Variants in ADCYAP1 observed in about 807,000 individuals in gnomAD.
ADCYAP1 encodes adenylate cyclase activating polypeptide 1.
In ADCYAP1, 6 loss-of-function variants were observed where a neutral mutation model predicts 18.5. The observed-to-expected ratio is 0.32, with a 90% CI of 0.18 to 0.64. ADCYAP1 has a LOEUF of 0.64. Ranked by LOEUF, ADCYAP1 falls within the 30% of genes least tolerant of loss-of-function variation. The pLI, the probability that ADCYAP1 is intolerant of heterozygous loss-of-function variation, is 0.77. For synonymous variants in ADCYAP1, 136 were observed against 113.9 expected (o/e 1.19, Z -1.24); for missense variants, 314 against 253.6 (o/e 1.24, Z -1.62).
In ADCYAP1 at chr18:909,560, A is replaced by G. The variant is rs2231187; in HGVS notation, c.456A>G (p.Lys152=). 481,737 of 1,613,706 alleles carry G rather than the reference A, an allele frequency of 0.3. 75,260 individuals carry two copies. Among genetic ancestry groups the G allele is most frequent in the Admixed American group, 0.33 (19,615 of 59,996 alleles). ...SRYRKQMAVK[K]YLAAVLGKRY... ...ACCGGAAACAAATGGCTGTCAAGAA[A>G]TACTTGGCGGCCGTCCTAGGGAAGA... The change falls in exon 5 of 5, where the codon AAA becomes AAG. Residue 152 remains lysine (K), a synonymous_variant. Coordinates refer to ENST00000450565, the MANE Select transcript of ADCYAP1 (RefSeq NM_001099733.2).
intron 3 of ADCYAP1, 195 bp from the exon 4 acceptor site, chr18:908,058 TGCCACTCCTAGA>T: frequency 1.5e-6 from 1 of 681,926 alleles, no homozygotes; most frequent in African/African-American, 1.8e-5. Flanking sequence ...ACTCCGCATC[TGCCACTCCTAGA>T]GCCGGGACTA....
chr18:909,456 G>C lies in ADCYAP1; in HGVS notation c.352G>C (p.Gly118Arg). 3 of 1,611,742 alleles carry C rather than the reference G, an allele frequency of 1.9e-6. No homozygotes were observed. The highest frequency in any genetic ancestry group is 2.2e-5 in the East Asian group (1 of 44,868). The change falls in exon 5 of 5, where the codon GGC (glycine) becomes CGC (arginine). Residue 118 changes from glycine to arginine, a missense_variant. Coordinates refer to ENST00000450565, the MANE Select transcript of ADCYAP1 (RefSeq NM_001099733.2). ...CCCCTTTGCTTGCAGTGGGAGCCTCGGCGGCGGCGCGGGGGACGACGCGGA... is the reference window on the plus strand; with the variant it reads ...CCCCTTTGCTTGCAGTGGGAGCCTCCGCGGCGGCGCGGGGGACGACGCGGA... ...LVARGVGGSL[G>R]GGAGDDAEPL...
At chr18:907,558 T>C in intron 2 of ADCYAP1, 101 bp from the exon 3 acceptor site, 1 of 1,261,680 alleles carries the variant, frequency 7.9e-7, no homozygotes, top group Non-Finnish European at 1.1e-6. Flanking sequence ...GGAGGACTTT[T>C]ATCACCTGTG....
chr18:907,519 C>G (rs1043448369), intron 2 of ADCYAP1, 140 bp from the exon 3 acceptor site: 2 of 911,438 alleles, frequency 2.2e-6, no homozygotes, highest in Non-Finnish European at 3.1e-6. Flanking sequence ...CTCCCACCCC[C>G]AGTCCTGGGA....
chr18:905,484 T>C lies in ADCYAP1; in HGVS notation c.98T>C (p.Phe33Ser), dbSNP rs747342728. 1 of 1,607,594 alleles carries C rather than the reference T, an allele frequency of 6.2e-7. No individual in the cohort carries two copies. The highest frequency in any genetic ancestry group is 8.5e-7 in the Non-Finnish European group (1 of 1,179,966). Reference protein sequence around the residue: ...YSSPAAAGLRFPGIRPEEEAY... With the variant: ...YSSPAAAGLRSPGIRPEEEAY... ...TCACCTGCCGCCGCCGGACTCCGGT[T>C]CCCCGGGATCAGGTAGGTGCTGGCT... Residue 33 changes from phenylalanine to serine, a missense_variant, in exon 2 of 5, where the codon TTC (phenylalanine) becomes TCC (serine). Phe to Ser is a radical substitution (Grantham distance 155). Transcript: ENST00000450565.
At chr18:906,061 C>A (rs1909158706) in intron 2 of ADCYAP1, 1 of 153,016 alleles carries the variant, frequency 6.5e-6, no homozygotes, top group Admixed American at 6.5e-5. Flanking sequence ...TCTTGGGGGG[C>A]GTGCGGTGGG....
In ADCYAP1 at chr18:907,796, A is replaced by AT. The variant is rs1909233521; in HGVS notation, c.242+8dup. On this transcript the variant is annotated splice_region_variant and intron_variant, in intron 3 of 4. Transcript: ENST00000450565. ...TACCGCCCGGCCGGGAGAAGGTGAGATTCGCGCGGCCTCGCGCACACCCGC... is the reference window on the plus strand; with the variant it reads ...TACCGCCCGGCCGGGAGAAGGTGAGATTTCGCGCGGCCTCGCGCACACCCGC... 1.4e-6 allele frequency: 2 copies of AT among 1,430,096 alleles called. No individual in the cohort carries two copies. The highest frequency in any genetic ancestry group is 3.2e-5 in the Admixed American group (1 of 31,514). The allele number at this position is 1,430,096 out of a possible 1,614,324, so 88.6% of individuals were successfully genotyped here.
intron 2 of ADCYAP1, chr18:905,932 A>C: frequency 5.6e-6 from 1 of 179,786 alleles, no homozygotes; most frequent in Non-Finnish European, 1.2e-5. Flanking sequence ...GTTCTGGACT[A>C]TCCGGGTGGG....
At chr18:907,574 C>G (rs1909217256) in intron 2 of ADCYAP1, 85 bp from the exon 3 acceptor site, 2 of 1,405,342 alleles carry the variant, frequency 1.4e-6, no homozygotes, top group Admixed American at 4.7e-5. Flanking sequence ...CTGTGAAAAT[C>G]CGCGCGAGCC....
intron 3 of ADCYAP1, 117 bp from the exon 4 acceptor site, chr18:908,148 G>T (rs551154197): frequency 3.1e-5 from 28 of 894,746 alleles, no homozygotes; most frequent in African/African-American, 2.5e-4. Context: ...GGCCTCTGGA[G>T]GTTTCCCTGT....
chr18:905,328 A>T lies in ADCYAP1; in HGVS notation c.-1-58A>T, dbSNP rs1909121098. ...GGCTTCCAGAGCTTTTTGGGGTTGG[A>T]GGGTGGGAGGCCAGGGGCGTTCTCA... On this transcript the variant is annotated intron_variant, in intron 1 of 4. Transcript: ENST00000450565. 6.9e-6 allele frequency: 11 copies of T among 1,585,282 alleles called. No homozygotes were observed. The South Asian group carries it at 1.0e-4, about 15-fold the overall frequency.
Position 910,147 on chromosome 18 carries a change from A to G in ADCYAP1, c.*512A>G, listed in dbSNP as rs940179127. Reference sequence around the variant, plus strand: ...CCCTGCTCCAGGGAGATTTTGAGGTAAAGATATGGAGAATTGCTGAAGGGC... The same window carrying G: ...CCCTGCTCCAGGGAGATTTTGAGGTGAAGATATGGAGAATTGCTGAAGGGC... On this transcript the variant is annotated 3_prime_UTR_variant, in exon 5 of 5. Coordinates refer to ENST00000450565, the MANE Select transcript of ADCYAP1 (RefSeq NM_001099733.2). The G allele has an allele frequency of 6.6e-6, 1 of 152,606 alleles. No individual in the cohort carries two copies. Among genetic ancestry groups the G allele is most frequent in the African/African-American group, 2.4e-5 (1 of 41,444 alleles). The allele number at this position is 152,606 out of a possible 1,614,324, so 9.5% of individuals were successfully genotyped here. A position where few individuals can be genotyped will look rare whatever the true frequency, so the allele number is the denominator to read the frequency against.
chr18:907,705 T>C lies in ADCYAP1; in HGVS notation c.157T>C (p.Phe53Leu), dbSNP rs777300983. 6 of 1,562,206 alleles carry C rather than the reference T, an allele frequency of 3.8e-6. No individual in the cohort carries two copies. The highest frequency in any genetic ancestry group is 3.7e-5 in the Admixed American group (2 of 54,408). The change falls in exon 3 of 5, where the codon TTC becomes CTC. Residue 53 changes from phenylalanine (F) to leucine (L), a missense_variant. Coordinates refer to ENST00000450565, the MANE Select transcript of ADCYAP1 (RefSeq NM_001099733.2). ...CGAGGACGGAAACCCGCTGCCAGAC[T>C]TCGATGGCTCGGAGCCGCCGGGCGC... is the stretch of plus-strand genomic sequence containing the variant. ...YGEDGNPLPD[F>L]DGSEPPGAGS... is the part of the protein sequence containing the mutation.
rs756839865 is a variant in ADCYAP1, at chr18:909,641, GGTTACCAGCTACCCT to G, written c.*9_*23del. On this transcript the variant is annotated 3_prime_UTR_variant, in exon 5 of 5. Transcript: ENST00000450565. ...GCCGAATAGCTTATTTGTAGCGATGGGTTACCAGCTACCCTGTGTATACAGCCCTGACGCAATGAA... is the reference window on the plus strand; with the variant it reads ...GCCGAATAGCTTATTTGTAGCGATGGGTGTATACAGCCCTGACGCAATGAA... 6.2e-7 allele frequency: 1 copy of G among 1,612,488 alleles called. No individual in the cohort carries two copies. The highest frequency in any genetic ancestry group is 1.1e-5 in the South Asian group (1 of 90,900).
At chr18:904,852 C>A, upstream of ADCYAP1, 2 of 1,285,766 alleles carry the variant, frequency 1.6e-6, no homozygotes, top group Non-Finnish European at 2.0e-6. Context: ...TGGTTCTGCG[C>A]GTCTACAAAC....
Position 908,332 on chromosome 18 carries a change from C to A in ADCYAP1, c.310C>A (p.His104Asn). The change falls in exon 4 of 5, where the codon CAC (histidine) becomes AAC (asparagine). Residue 104 changes from histidine (H) to asparagine (N), a missense_variant. Coordinates refer to ENST00000450565, the MANE Select transcript of ADCYAP1 (RefSeq NM_001099733.2). Reference protein sequence around the residue: ...KVLDQLSAGKHLQSLVARGVG... With the variant: ...KVLDQLSAGKNLQSLVARGVG... ...GCTGGACCAGCTGTCCGCCGGGAAG[C>A]ACCTGCAGTCGCTCGTGGCCCGGGG... 2 of 1,613,372 alleles carry A rather than the reference C, an allele frequency of 1.2e-6. No individual in the cohort carries two copies. The highest frequency in any genetic ancestry group is 1.7e-6 in the Non-Finnish European group (2 of 1,179,742).
chr18:904,839 T>C (rs1032678146), upstream of ADCYAP1: 1 of 1,286,586 alleles, frequency 7.8e-7, no homozygotes, highest in African/African-American at 1.5e-5. Flanking sequence ...TCACGCTCCC[T>C]CCTGGTTCTG....
rs1489612549 is a variant in ADCYAP1, at chr18:905,271, AGGGAGCCGGG to A, written c.-1-113_-1-104del. The A allele has an allele frequency of 5.3e-6, 8 of 1,515,346 alleles. No individual in the cohort carries two copies. The Admixed American group carries it at 1.0e-4, about 20-fold the overall frequency. 93.9% of individuals were successfully genotyped at this position (1,515,346 alleles called of 1,614,324 possible). A position where few individuals can be genotyped will look rare whatever the true frequency, so the allele number is the denominator to read the frequency against. ...GCTGTCGCCAAGTGCTGTTCAACTC[AGGGAGCCGGG>A]GCTTCGCTCCGTCCCTCCCCCGGCT... On this transcript the variant is annotated intron_variant, in intron 1 of 4. Transcript: ENST00000450565.
intron 4 of ADCYAP1, 31 bp from the exon 5 acceptor site, chr18:909,415 G>T (rs775638782): frequency 3.8e-6 from 6 of 1,594,252 alleles, no homozygotes; most frequent in South Asian, 3.4e-5. Context: ...CTCCCGCCCC[G>T]CCACCCTCTT....
Sources: gnomAD v4.1 joint callset for allele counts on GRCh38, gnomAD v4.1.1 for gene constraint, MANE v1.5 for transcripts, NCBI Gene and HGNC (gene_info 2026-07-23, HGNC 2026-07-21) for gene names.